FCF1: variants seen among roughly 807,000 people sequenced by gnomAD.
The protein encoded by FCF1 is rRNA-processing protein FCF1 homolog.
A neutral mutation model predicts 32.5 loss-of-function variants in FCF1; 17 were observed. The observed-to-expected ratio is 0.52, with a 90% confidence interval of 0.36 to 0.78. The LOEUF (loss-of-function observed/expected upper bound fraction) is 0.78. FCF1 is among the 30% of genes least tolerant of loss of function. The pLI is 0.00. For synonymous variants in FCF1, 84 were observed against 78.4 expected (o/e 1.07, Z -0.38); for missense variants, 201 against 241.1 (o/e 0.83, Z 1.10).
intron 5 of FCF1, among the ~76,000 whole-genome samples, chr14:74,730,724 G>A (rs1272180551): frequency 6.6e-6 from 1 of 152,158 alleles, no homozygotes; most frequent in Non-Finnish European, 1.5e-5. Flanking sequence ...AAAAGGCTGG[G>A]TGCAGTGGCT....
rs1216619879 is a variant in FCF1 at position 74,735,166 on chromosome 14, G to A, written c.*236G>A. Reference sequence around the variant, plus strand: ...GGGCCGCGGGGGTTGGGGGGAATCTGTGCAGGGGGAAGCATATTACAGAAG... The same window carrying A: ...GGGCCGCGGGGGTTGGGGGGAATCTATGCAGGGGGAAGCATATTACAGAAG... On this transcript the variant is annotated 3_prime_UTR_variant, in exon 8 of 8. Transcript: ENST00000341162. 2.3e-6 allele frequency: 1 copy of A among 442,202 alleles called. No individual in the cohort carries two copies. Among genetic ancestry groups the A allele is most frequent in the African/African-American group, 2.0e-5 (1 of 49,562 alleles). 27.4% of individuals were successfully genotyped at this position (442,202 alleles called of 1,614,324 possible).
In FCF1 at chr14:74,732,764, A is replaced by G; in HGVS notation, c.399A>G (p.Pro133=). The change falls in exon 6 of 8, where the codon CCA becomes CCG. Residue 133 remains proline, a synonymous_variant. Transcript: ENST00000341162. ...AGGATCCAAGATTTGAACGATTACCATGTACACACAAAGGAACCTATGCAG... is the reference window on the plus strand; with the variant it reads ...AGGATCCAAGATTTGAACGATTACCGTGTACACACAAAGGAACCTATGCAG... ...IAKDPRFERL[P]CTHKGTYADD... The G allele has an allele frequency of 6.2e-7, 1 of 1,613,178 alleles. No individual in the cohort carries two copies. Among genetic ancestry groups the G allele is most frequent in the South Asian group, 1.1e-5 (1 of 91,058 alleles).
chr14:74,731,497 G>A (rs1373404762), intron 5 of FCF1, among the ~76,000 whole-genome samples: 4 of 152,038 alleles, frequency 2.6e-5, no homozygotes, highest in Non-Finnish European at 5.9e-5. Context: ...TTATCACTTT[G>A]TCCCCCAGAA....
At chr14:74,722,394 G>T (rs946327000) in intron 4 of FCF1, among the ~76,000 whole-genome samples, 1 of 152,008 alleles carries the variant, frequency 6.6e-6, no homozygotes, top group Non-Finnish European at 1.5e-5. Context: ...TCTTCTAGGT[G>T]CCACTCTTCC....
chr14:74,724,769 G>A (rs953754541), intron 5 of FCF1, among the ~76,000 whole-genome samples: 1 of 152,088 alleles, frequency 6.6e-6, no homozygotes, highest in African/African-American at 2.4e-5. Flanking sequence ...ACCAGGTGTG[G>A]TGGCATACAC....
rs542800406 is a variant in FCF1 at position 74,733,487 on chromosome 14, G to A, written c.454-589G>A. Reference sequence around the variant, plus strand: ...ACTCTGCCACTTTTTATAAAACTCAGTAGGAGAGTCAGACGTGACAGATGT... The same window carrying A: ...ACTCTGCCACTTTTTATAAAACTCAATAGGAGAGTCAGACGTGACAGATGT... On this transcript the variant is annotated intron_variant, in intron 6 of 7. Transcript: ENST00000341162. 3.3e-3 allele frequency among the ~76,000 whole-genome samples: 505 copies of A among 152,322 alleles called. 4 individuals carry two copies. The highest frequency in any genetic ancestry group is 0.024 in the Middle Eastern group (7 of 294).
chr14:74,725,469 G>A (rs1370836800), intron 5 of FCF1, among the ~76,000 whole-genome samples: 1 of 79,152 alleles, frequency 1.3e-5, no homozygotes, highest in African/African-American at 5.4e-5. Context: ...TACAAAGCAA[G>A]ACCCTGTCTC....
At chr14:74,719,588 CT>C (rs2090473221) in intron 4 of FCF1, among the ~76,000 whole-genome samples, 1 of 151,764 alleles carries the variant, frequency 6.6e-6, no homozygotes, top group African/African-American at 2.4e-5. Context: ...TGGCAAAACC[CT>C]ATCTCTACCA....
chr14:74,715,497 T>C (rs2090405935), intron 3 of FCF1, among the ~76,000 whole-genome samples: 1 of 152,176 alleles, frequency 6.6e-6, no homozygotes, highest in Non-Finnish European at 1.5e-5. Context: ...CCCAGACAAC[T>C]TGGGCTAGAT....
chr14:74,713,690 G>T, intron 2 of FCF1, 138 bp downstream of exon 2: 1 of 713,284 alleles, frequency 1.4e-6, no homozygotes, highest in Admixed American at 2.8e-5. Flanking sequence ...GATAGCCAGT[G>T]TTTAACAGTA....
intron 6 of FCF1, among the ~76,000 whole-genome samples, chr14:74,733,435 A>G (rs1422351755): frequency 6.6e-6 from 1 of 152,174 alleles, no homozygotes; most frequent in Admixed American, 6.5e-5. Flanking sequence ...GGGTGGGGCC[A>G]GTATTTCCCA....
chr14:74,723,627 G>A (rs993070556), intron 5 of FCF1, among the ~76,000 whole-genome samples: 19 of 151,888 alleles, frequency 1.3e-4, no homozygotes, highest in Non-Finnish European at 1.5e-4. Flanking sequence ...TCAGGAGTCC[G>A]AGACCAGCCT....
chr14:74,721,045 T>A lies in FCF1; in HGVS notation c.293-2227T>A, dbSNP rs78519181. On this transcript the variant is annotated intron_variant, in intron 4 of 7. Transcript: ENST00000341162. ...GGTGTGTTCCACCACACCCACCTAA[T>A]TTTTTTTTTTTTTTTTTGAGACAGA... Among the ~76,000 whole-genome samples, 4 of 125,380 alleles carry A rather than the reference T, an allele frequency of 3.2e-5. No individual in the cohort carries two copies. The South Asian group carries it at 9.5e-4, about 30-fold the overall frequency. 82.3% of individuals were successfully genotyped at this position (125,380 alleles called of 152,430 possible). A position where few individuals can be genotyped will look rare whatever the true frequency, so the allele number is the denominator to read the frequency against.
chr14:74,732,661 CT>C (rs1254110862), intron 5 of FCF1, 69 bp from the exon 6 acceptor site: 3 of 1,021,670 alleles, frequency 2.9e-6, no homozygotes, highest in Non-Finnish European at 3.1e-6. Context: ...GATCATGTTA[CT>C]TTTATTGCAT....
chr14:74,736,573 A>T lies in FCF1; in HGVS notation c.*1643A>T, dbSNP rs1378919870. ...TGTTCTCATCACAGAAATGTATTTGAAGTATTGCATATGTTAACTAGCTTG... is the reference window on the plus strand; with the variant it reads ...TGTTCTCATCACAGAAATGTATTTGTAGTATTGCATATGTTAACTAGCTTG... On this transcript the variant is annotated 3_prime_UTR_variant, in exon 8 of 8. Transcript: ENST00000341162. 3 of 152,200 alleles carry T rather than the reference A, an allele frequency of 2.0e-5. No individual in the cohort carries two copies. The highest frequency in any genetic ancestry group is 2.0e-4 in the Admixed American group (3 of 15,274). The allele number at this position is 152,200 out of a possible 1,614,324, so 9.4% of individuals were successfully genotyped here.
rs142080322 is a variant in FCF1 at position 74,714,268 on chromosome 14, A to G, written c.72-604A>G. 8.3e-3 allele frequency among the ~76,000 whole-genome samples: 1,259 copies of G among 152,324 alleles called. 10 individuals are homozygous for G. Among genetic ancestry groups the G allele is most frequent in the South Asian group, 0.029 (142 of 4,826 alleles). The stretch of plus-strand genomic sequence containing the variant: ...GAGGAGTTCAAAACCAGCCTGGCCA[A>G]CACGGTGAAACCCTGTCTCCACTAA... On this transcript the variant is annotated intron_variant, in intron 2 of 7. Transcript: ENST00000341162.
intron 4 of FCF1, among the ~76,000 whole-genome samples, chr14:74,722,885 C>G (rs1014994349): frequency 1.3e-5 from 2 of 151,894 alleles, no homozygotes; most frequent in African/African-American, 4.8e-5. Context: ...TAACTAGAAC[C>G]CAGGAGTTTG....
chr14:74,730,913 C>T (rs1216279274), intron 5 of FCF1, among the ~76,000 whole-genome samples: 12 of 152,144 alleles, frequency 7.9e-5, no homozygotes, highest in South Asian at 2.1e-4. Flanking sequence ...GCAGGAGAAT[C>T]GCTTGAACCC....
At chr14:74,720,935 G>A (rs1213747650) in intron 4 of FCF1, among the ~76,000 whole-genome samples, 1 of 149,264 alleles carries the variant, frequency 6.7e-6, no homozygotes, top group Non-Finnish European at 1.5e-5. Context: ...CTGGAGTGCA[G>A]TGGTGTAATC....
Sources: gnomAD v4.1 joint callset for allele counts (sites outside exome capture counted in the v4.1 genomes callset) on GRCh38, gnomAD v4.1.1 for gene constraint, MANE v1.5 for transcripts, NCBI Gene and HGNC (gene_info 2026-07-23, HGNC 2026-07-21) for gene names.